PCDHA1: variants seen among roughly 807,000 people sequenced by gnomAD.
PCDHA1 encodes the protein protocadherin alpha 1.
Under a neutral mutation model 61.3 loss-of-function variants are expected in PCDHA1, and 42 were observed. The observed-to-expected ratio is 0.69, with a 90% CI of 0.54 to 0.89. The LOEUF is 0.89. Among genes scored for constraint, PCDHA1 ranks in the 40% least tolerant of loss-of-function variants. The pLI is 0.00. For synonymous variants in PCDHA1, 610 were observed against 553.8 expected (o/e 1.10, Z -1.43); for missense variants, 1,256 against 1,235.3 (o/e 1.02, Z -0.25).
At chr5:140,975,343 A>G (rs997568363) in intron 1 of PCDHA1, among the ~76,000 whole-genome samples, 1 of 152,224 alleles carries the variant, frequency 6.6e-6, no homozygotes, top group Middle Eastern at 3.2e-3. Context: ...TCCCTTTCTT[A>G]AAGCCAACTG....
At chr5:140,849,658 C>T in intron 1 of PCDHA1, 1 of 1,598,720 alleles carries the variant, frequency 6.3e-7, no homozygotes, top group African/African-American at 1.3e-5. Flanking sequence ...GTTACCTGCT[C>T]CCTGACGCCC....
chr5:140,798,546 G>A (rs1762336867), intron 1 of PCDHA1, among the ~76,000 whole-genome samples: 1 of 152,038 alleles, frequency 6.6e-6, no homozygotes. Flanking sequence ...TTATCATTAG[G>A]CCAATGTGTG....
chr5:140,794,849 G>T, intron 1 of PCDHA1: 2 of 1,171,258 alleles, frequency 1.7e-6, no homozygotes, highest in Non-Finnish European at 2.4e-6. Context: ...GAGCCCCTTT[G>T]TTACTTCAGA....
chr5:140,908,276 A>T (rs1554193275), intron 1 of PCDHA1, among the ~76,000 whole-genome samples: 1 of 152,148 alleles, frequency 6.6e-6, no homozygotes, highest in Non-Finnish European at 1.5e-5. Context: ...CCATGAGGCC[A>T]TTGTTGCAAG....
chr5:140,923,644 C>G (rs1554201552), intron 1 of PCDHA1, among the ~76,000 whole-genome samples: 1 of 152,204 alleles, frequency 6.6e-6, no homozygotes. Flanking sequence ...AAATCTTTAG[C>G]CTCCCTTATC....
intron 1 of PCDHA1, among the ~76,000 whole-genome samples, chr5:140,819,549 G>C (rs1554127713): frequency 6.6e-6 from 1 of 152,080 alleles, no homozygotes; most frequent in Non-Finnish European, 1.5e-5. Flanking sequence ...TGTAACATTT[G>C]ATTGAAGAAA....
rs782058694 is a variant in PCDHA1 at position 140,883,215 on chromosome 5, A to G, written c.2394+94531A>G. On this transcript the variant is annotated intron_variant, in intron 1 of 3. Coordinates refer to ENST00000504120, the MANE Select transcript of PCDHA1 (RefSeq NM_018900.4). ...CTAGATTTCGAAGAAAAGAAATTAT[A>G]TGAAATATCCGTGGAGGCAGTTGAC... 2.5e-6 allele frequency: 4 copies of G among 1,613,954 alleles called. No individual in the cohort carries two copies. Among genetic ancestry groups the G allele is most frequent in the Non-Finnish European group, 3.4e-6 (4 of 1,180,034 alleles).
rs140107313 is a variant in PCDHA1 at position 140,823,051 on chromosome 5, G to T, written c.2394+34367G>T. On this transcript the variant is annotated intron_variant, in intron 1 of 3. Coordinates refer to ENST00000504120, the MANE Select transcript of PCDHA1 (RefSeq NM_018900.4). Reference sequence around the variant, plus strand: ...GTCGGTCTATGAGCTGGTGGTGACCGCGCGGGACGGGGGCTCGCCTTCGCT... The same window carrying T: ...GTCGGTCTATGAGCTGGTGGTGACCTCGCGGGACGGGGGCTCGCCTTCGCT... 1,088 of 1,614,186 alleles carry T rather than the reference G, an allele frequency of 6.7e-4. 7 individuals are homozygous for T. In the African/African-American group the frequency reaches 0.013, roughly 19 times the overall value.
chr5:140,818,377 G>C (rs2150101074), intron 1 of PCDHA1, among the ~76,000 whole-genome samples: 27 of 152,086 alleles, frequency 1.8e-4, no homozygotes, highest in Non-Finnish European at 3.4e-4. Context: ...AACTTGAATC[G>C]TGGCATTTTT....
intron 1 of PCDHA1, chr5:140,834,636 T>A: frequency 1.9e-6 from 3 of 1,614,182 alleles, no homozygotes; most frequent in Non-Finnish European, 2.5e-6. Context: ...TGGCATTTTG[T>A]TTGTGAATTC....
chr5:140,928,234 C>T lies in PCDHA1; in HGVS notation c.2395-50715C>T, dbSNP rs1319421246. The T allele has an allele frequency of 4.3e-6, 7 of 1,614,096 alleles. No homozygotes were observed. In the African/African-American group the frequency reaches 8.0e-5, roughly 18 times the overall value. On this transcript the variant is annotated intron_variant, in intron 1 of 3. Transcript: ENST00000504120. ...TGACAATACACCAAACTTTCCTCAA[C>T]CCCAGCAGGAACTTTTCGTTGCTGA...
At chr5:140,830,154 G>A (rs2150182095) in intron 1 of PCDHA1, 6 of 1,613,332 alleles carry the variant, frequency 3.7e-6, no homozygotes, top group South Asian at 1.1e-5. Context: ...GGCGCCGCGG[G>A]CCCAGAGGCG....
intron 3 of PCDHA1, among the ~76,000 whole-genome samples, chr5:140,995,361 G>C (rs567350687): frequency 1.1e-3 from 168 of 152,090 alleles, no homozygotes; most frequent in African/African-American, 3.4e-3. Flanking sequence ...TCGGACAGAG[G>C]GATGATTCAC....
At chr5:140,984,631 T>C (rs1400847452) in intron 3 of PCDHA1, among the ~76,000 whole-genome samples, 1 of 152,192 alleles carries the variant, frequency 6.6e-6, no homozygotes, top group Non-Finnish European at 1.5e-5. Flanking sequence ...TTAAAGGGAT[T>C]CTCTGCCTTC....
intron 3 of PCDHA1, among the ~76,000 whole-genome samples, chr5:141,007,748 T>C (rs188910603): frequency 1.3e-3 from 195 of 152,298 alleles, no homozygotes; most frequent in African/African-American, 4.4e-3. Context: ...GAAGATAACT[T>C]TGGACTCTTA....
chr5:140,953,093 A>T (rs2153698233), intron 1 of PCDHA1, among the ~76,000 whole-genome samples: 1 of 152,346 alleles, frequency 6.6e-6, no homozygotes, highest in East Asian at 1.9e-4. Flanking sequence ...TTACAATTTG[A>T]CATGAGATTT....
chr5:140,871,066 G>GA, intron 1 of PCDHA1: 1 of 1,613,276 alleles, frequency 6.2e-7, no homozygotes, highest in South Asian at 1.1e-5. Context: ...GGATCACGGT[G>GA]AGCCGGCGCT....
At chr5:140,803,987 A>C in intron 1 of PCDHA1, 1 of 282,340 alleles carries the variant, frequency 3.5e-6, no homozygotes, top group Non-Finnish European at 6.6e-6. Context: ...ACTTCCTACT[A>C]CCTGTTAGTA....
At chr5:140,801,404 A>G (rs1762700744) in intron 1 of PCDHA1, 1 of 1,613,598 alleles carries the variant, frequency 6.2e-7, no homozygotes, top group African/African-American at 1.3e-5. Context: ...TGGCGTCCAA[A>G]AGACACGGGG....
Sources: allele counts gnomAD v4.1 joint callset (sites outside exome capture counted in the v4.1 genomes callset), GRCh38; gene constraint gnomAD v4.1.1; transcripts MANE v1.5; gene names NCBI Gene and HGNC (gene_info 2026-07-23, HGNC 2026-07-21).